The following EPGN variants were observed in gnomAD, a reference collection of about 807,000 sequenced individuals.
EPGN encodes epithelial mitogen, also known as epigen.
EPGN carries 21 observed loss-of-function variants against 20.7 expected under a neutral mutation model. The ratio of observed to expected loss-of-function variants is 1.01; its 90% CI spans 0.72 to 1.46. EPGN has a LOEUF of 1.46. Among genes scored for constraint, EPGN ranks in the 40% most tolerant of loss-of-function variants. EPGN has a pLI of 0.00. For missense variants in EPGN, 199 were observed against 180.7 expected, an observed-to-expected ratio of 1.10 and a Z score of -0.58; for synonymous variants, 69 against 63.8, an observed-to-expected ratio of 1.08 and a Z score of -0.39.
In EPGN at chr4:74,309,078, G is replaced by A. The variant is rs1560577802; in HGVS notation, c.44-15G>A. ...GAGGCTCTCTGTTAAAGATGCTTTT[G>A]CCCCCTTAATACAGCAATGACAGCA... is the stretch of plus-strand genomic sequence containing the variant. On this transcript the variant is annotated splice_polypyrimidine_tract_variant and intron_variant, in intron 1 of 4. Transcript: ENST00000413830. 1.2e-6 allele frequency: 2 copies of A among 1,602,428 alleles called. No individual in the cohort carries two copies. Among genetic ancestry groups the A allele is most frequent in the Non-Finnish European group, 8.5e-7 (1 of 1,171,674 alleles).
At chr4:74,310,271 G>A (rs887705630) in intron 2 of EPGN, among the ~76,000 whole-genome samples, 9 of 151,882 alleles carry the variant, frequency 5.9e-5, no homozygotes, top group African/African-American at 1.9e-4. Flanking sequence ...AGACCAGCCT[G>A]GGCAACATGG....
chr4:74,314,199 C>G (rs1751152056), intron 4 of EPGN: 1 of 471,164 alleles, frequency 2.1e-6, no homozygotes, highest in Non-Finnish European at 4.2e-6. Flanking sequence ...GTGGCTTTAA[C>G]TGAAGTGTAG....
At position 74,314,874 on chromosome 4, in the gene EPGN, C is replaced by T. The variant is rs1011765838; in HGVS notation, c.*237C>T. On this transcript the variant is annotated 3_prime_UTR_variant, in exon 5 of 5. Transcript: ENST00000413830. The stretch of plus-strand genomic sequence containing the variant: ...GTGACACAAGTCAAATTCATAGTTT[C>T]ACTCTGGGTTTTTTGTTGTTGTGTG... 2.3e-5 allele frequency: 12 copies of T among 532,480 alleles called. No homozygotes were observed. Among genetic ancestry groups the T allele is most frequent in the African/African-American group, 2.1e-4 (11 of 51,780 alleles). 33.0% of individuals were successfully genotyped at this position (532,480 alleles called of 1,614,324 possible).
At chr4:74,309,253 A>T in intron 2 of EPGN, 71 bp downstream of exon 2, 1 of 1,247,118 alleles carries the variant, frequency 8.0e-7, no homozygotes, top group South Asian at 1.4e-5. Context: ...GATTGTGATA[A>T]AAGCAATATT....
chr4:74,310,378 C>T (rs1750839332), intron 2 of EPGN, among the ~76,000 whole-genome samples: 1 of 138,962 alleles, frequency 7.2e-6, no homozygotes, highest in South Asian at 2.3e-4. Flanking sequence ...AGGAGAATTG[C>T]TTGAACCCAG....
intron 2 of EPGN, among the ~76,000 whole-genome samples, chr4:74,310,461 C>CAA (rs10586282): frequency 0.045 from 1,929 of 42,440 alleles, 73 homozygotes; most frequent in East Asian, 0.087. Flanking sequence ...GAGTCCGTCT[C>CAA]AAAAAAAAAA....
chr4:74,311,383 C>T (rs1452333023), intron 2 of EPGN, among the ~76,000 whole-genome samples: 2 of 152,032 alleles, frequency 1.3e-5, no homozygotes, highest in South Asian at 2.1e-4. Flanking sequence ...AGTAATACAA[C>T]ATAGTATTTT....
rs1020263152 is a variant in EPGN at position 74,315,164 on chromosome 4, T to A, written c.*527T>A. 1.3e-5 allele frequency: 2 copies of A among 154,862 alleles called. No homozygotes were observed. The highest frequency in any genetic ancestry group is 2.4e-5 in the African/African-American group (1 of 41,466). The allele number at this position is 154,862 out of a possible 1,614,324, so 9.6% of individuals were successfully genotyped here. ...TTTTAGAATGAAATCAGTGTTAAGG[T>A]ACCTCCAGTGAACCAAACATGTGTC... is the stretch of plus-strand genomic sequence containing the variant. On this transcript the variant is annotated 3_prime_UTR_variant, in exon 5 of 5. Transcript: ENST00000413830.
rs1360188717 is a variant in EPGN at position 74,314,806 on chromosome 4, T to C, written c.*169T>C. 2 of 658,104 alleles carry C rather than the reference T, an allele frequency of 3.0e-6. No individual in the cohort carries two copies. The highest frequency in any genetic ancestry group is 5.6e-5 in the East Asian group (2 of 36,030). 40.8% of individuals were successfully genotyped at this position (658,104 alleles called of 1,614,324 possible). On this transcript the variant is annotated 3_prime_UTR_variant, in exon 5 of 5. Coordinates refer to ENST00000413830, the MANE Select transcript of EPGN (RefSeq NM_001270989.2). Reference sequence around the variant, plus strand: ...AAATTCAGCGTTGGCCTTTAGACTTTGCCATCCTTAAGGAGTGATGGAAGC... The same window carrying C: ...AAATTCAGCGTTGGCCTTTAGACTTCGCCATCCTTAAGGAGTGATGGAAGC...
rs1236277112 is a variant in EPGN, at chr4:74,314,884, T to C, written c.*247T>C. Reference sequence around the variant, plus strand: ...TCAAATTCATAGTTTCACTCTGGGTTTTTTGTTGTTGTGTGGTTATTATTC... The same window carrying C: ...TCAAATTCATAGTTTCACTCTGGGTCTTTTGTTGTTGTGTGGTTATTATTC... On this transcript the variant is annotated 3_prime_UTR_variant, in exon 5 of 5. Coordinates refer to ENST00000413830, the MANE Select transcript of EPGN (RefSeq NM_001270989.2). 1 of 521,330 alleles carries C rather than the reference T, an allele frequency of 1.9e-6. No homozygotes were observed. The highest frequency in any genetic ancestry group is 3.4e-6 in the Non-Finnish European group (1 of 293,616). The allele number at this position is 521,330 out of a possible 1,614,324, so 32.3% of individuals were successfully genotyped here. A position where few individuals can be genotyped will look rare whatever the true frequency, so the allele number is the denominator to read the frequency against.
At chr4:74,308,660 T>G (rs1332459349) in intron 1 of EPGN, 84 bp downstream of exon 1, 1 of 1,222,578 alleles carries the variant, frequency 8.2e-7, no homozygotes, top group Non-Finnish European at 1.2e-6. Flanking sequence ...AGAGAGAAGT[T>G]GGCTTCTAAC....
rs554123160 is a variant in EPGN, at chr4:74,312,063, T to G, written c.134-122T>G. 6 of 1,118,288 alleles carry G rather than the reference T, an allele frequency of 5.4e-6. No individual in the cohort carries two copies. The South Asian group carries it at 1.1e-4, about 21-fold the overall frequency. 69.3% of individuals were successfully genotyped at this position (1,118,288 alleles called of 1,614,324 possible). ...CAACCTGCTAAGAGAATCAATAGTT[T>G]AAAGGACACAGCACCACCCCCAAAT... On this transcript the variant is annotated intron_variant, in intron 2 of 4. Coordinates refer to ENST00000413830, the MANE Select transcript of EPGN (RefSeq NM_001270989.2).
chr4:74,314,227 A>G, intron 4 of EPGN: 1 of 487,892 alleles, frequency 2.0e-6, no homozygotes, highest in Non-Finnish European at 4.0e-6. Flanking sequence ...CTGATTCCAC[A>G]GGGAGATCTA....
intron 2 of EPGN, among the ~76,000 whole-genome samples, chr4:74,310,233 G>A (rs1232706532): frequency 2.0e-5 from 3 of 151,846 alleles, no homozygotes; most frequent in South Asian, 2.1e-4. Flanking sequence ...AGGCCAAGGC[G>A]GGCAGATCAC....
Position 74,315,278 on chromosome 4 carries a change from G to C in EPGN, c.*641G>C, listed in dbSNP as rs1166381720. ...GTAACAACATACAGCCTTTCTATGT[G>C]AAATAATGGAATAAACTAAAGAGTT... On this transcript the variant is annotated 3_prime_UTR_variant, in exon 5 of 5. Coordinates refer to ENST00000413830, the MANE Select transcript of EPGN (RefSeq NM_001270989.2). The C allele has an allele frequency of 6.6e-6, 1 of 152,252 alleles. No individual in the cohort carries two copies. Among genetic ancestry groups the C allele is most frequent in the East Asian group, 1.9e-4 (1 of 5,196 alleles). The allele number at this position is 152,252 out of a possible 1,614,324, so 9.4% of individuals were successfully genotyped here. A position where few individuals can be genotyped will look rare whatever the true frequency, so the allele number is the denominator to read the frequency against.
intron 4 of EPGN, chr4:74,313,390 C>T (rs760126918): frequency 7.3e-4 from 1,008 of 1,378,688 alleles, no homozygotes; most frequent in Non-Finnish European, 8.9e-4. Context: ...AGAGTTCAAA[C>T]GTACAGTCTC....
At chr4:74,313,429 C>A (rs1751097405) in intron 4 of EPGN, 1 of 1,299,592 alleles carries the variant, frequency 7.7e-7, no homozygotes, top group Non-Finnish European at 9.7e-7. Flanking sequence ...CTGCCCATAT[C>A]AAAATTATAA....
intron 4 of EPGN, chr4:74,314,341 C>T: frequency 1.7e-6 from 1 of 581,174 alleles, no homozygotes; most frequent in Admixed American, 2.9e-5. Context: ...GGAACAGGGG[C>T]TTGTAATCTC....
At chr4:74,313,299 A>G in intron 4 of EPGN, 129 bp downstream of exon 4, 1 of 1,414,218 alleles carries the variant, frequency 7.1e-7, no homozygotes, top group African/African-American at 1.5e-5. Context: ...TAATCTGGCA[A>G]AAAGTTTCTA....
Sources: allele counts gnomAD v4.1 joint callset (sites outside exome capture counted in the v4.1 genomes callset), GRCh38; gene constraint gnomAD v4.1.1; transcripts MANE v1.5; gene names NCBI Gene and HGNC (gene_info 2026-07-23, HGNC 2026-07-21).